HDLBP: variants seen among roughly 807,000 people sequenced by gnomAD.
HDLBP encodes high density lipoprotein binding protein, also known as vigilin.
HDLBP carries 30 observed loss-of-function variants against 137.3 expected under a neutral mutation model. The observed-to-expected ratio is 0.22, with a 90% CI of 0.16 to 0.30. The LOEUF (loss-of-function observed/expected upper bound fraction) is 0.30. Ranked by LOEUF, HDLBP falls within the 10% of genes least tolerant of loss-of-function variation. The pLI, the probability that HDLBP is intolerant of heterozygous loss-of-function variation, is 1.00. For synonymous variants in HDLBP, 606 were observed against 596.0 expected, an observed-to-expected ratio of 1.02 and a Z score of -0.24; for missense variants, 1,119 against 1,667.3, an observed-to-expected ratio of 0.67 and a Z score of 5.73.
rs115002337 is a variant in HDLBP, at chr2:241,258,519, G to C, written c.451-1713C>G. ...AGCTTATGTGGCAGGCTGAGACCCT[G>C]TGTTACAACAAACAAAAAAATAGTG... is the stretch of plus-strand genomic sequence containing the variant. On this transcript the variant is annotated intron_variant, in intron 5 of 27. Transcript: ENST00000310931. Among the ~76,000 whole-genome samples, 709 of 152,108 alleles carry C rather than the reference G, an allele frequency of 4.7e-3. 3 individuals carry two copies. The highest frequency in any genetic ancestry group is 0.016 in the African/African-American group (680 of 41,466).
At chr2:241,236,312 T>TC (rs1277148965) in intron 21 of HDLBP, 2 of 392,348 alleles carry the variant, frequency 5.1e-6, no homozygotes, top group Middle Eastern at 7.1e-4. Flanking sequence ...GTCACATTCA[T>TC]CCCCCTGCAG....
intron 11 of HDLBP, 151 bp downstream of exon 11, chr2:241,252,806 C>T: frequency 1.8e-6 from 1 of 547,168 alleles, no homozygotes; most frequent in Non-Finnish European, 3.3e-6. Flanking sequence ...TGGCCTCTTC[C>T]AGCAGGCAGG....
At chr2:241,298,356 A>G (rs552191375) in intron 1 of HDLBP, among the ~76,000 whole-genome samples, 1 of 152,150 alleles carries the variant, frequency 6.6e-6, no homozygotes, top group Admixed American at 6.5e-5. Context: ...ACAGAGTGAG[A>G]CTCAGTCTGA....
intron 23 of HDLBP, among the ~76,000 whole-genome samples, chr2:241,234,512 G>A (rs554799781): frequency 2.0e-5 from 3 of 152,300 alleles, no homozygotes; most frequent in South Asian, 2.1e-4. Context: ...ACGTGCTCAC[G>A]GGAGGAGTGG....
intron 1 of HDLBP, among the ~76,000 whole-genome samples, chr2:241,279,459 A>G (rs937166045): frequency 1.3e-5 from 2 of 152,220 alleles, no homozygotes; most frequent in Non-Finnish European, 2.9e-5. Context: ...GAAGAAAACA[A>G]CGTGGAGGAG....
At chr2:241,245,664 C>T (rs550729361) in intron 16 of HDLBP, among the ~76,000 whole-genome samples, 4 of 152,014 alleles carry the variant, frequency 2.6e-5, no homozygotes, top group South Asian at 4.1e-4. Context: ...TAGCCTGGTG[C>T]GGTAGCATGC....
rs1333778436 is a variant in HDLBP, at chr2:241,235,239, G to A, written c.3026C>T (p.Pro1009Leu). ...MDEFEVNIHVPAPELQSDIIA... is the reference protein window; with the variant it reads ...MDEFEVNIHVLAPELQSDIIA... ...GATGTCAGACTGCAGCTCAGGTGCC[G>A]GGACATGTATGTTCACCTACGTGAA... Residue 1009 changes from proline (P) to leucine (L), a missense_variant, in exon 23 of 28, where the codon CCG becomes CTG. Pro to Leu is a moderately conservative substitution (Grantham distance 98). This residue lies in a region of HDLBP where 618 missense variants were observed against 816.7 expected (regional missense o/e 0.76). Transcript: ENST00000310931. The A allele has an allele frequency of 1.2e-6, 2 of 1,614,072 alleles. No individual in the cohort carries two copies. Among genetic ancestry groups the A allele is most frequent in the African/African-American group, 1.3e-5 (1 of 74,920 alleles).
intron 1 of HDLBP, among the ~76,000 whole-genome samples, chr2:241,309,405 T>C (rs554682702): frequency 3.3e-5 from 5 of 152,316 alleles, no homozygotes; most frequent in East Asian, 3.9e-4. Context: ...ACTAAAATGA[T>C]AGTAAACGAT....
chr2:241,258,137 G>A (rs770424323), intron 5 of HDLBP, among the ~76,000 whole-genome samples: 5 of 151,916 alleles, frequency 3.3e-5, no homozygotes, highest in Non-Finnish European at 5.9e-5. Context: ...AGTGGCTCAC[G>A]CCTGTAATCC....
intron 14 of HDLBP, 137 bp from the exon 15 acceptor site, chr2:241,247,279 G>C: frequency 1.6e-6 from 1 of 644,266 alleles, no homozygotes; most frequent in South Asian, 1.8e-5. Flanking sequence ...TTTGTCATGA[G>C]GGTAAGTGAG....
chr2:241,273,513 C>A (rs1370530884), intron 1 of HDLBP: 2 of 844,668 alleles, frequency 2.4e-6, no homozygotes, highest in Non-Finnish European at 1.4e-6. Flanking sequence ...GGGTCTCCAC[C>A]CTCCGGGAAG....
intron 1 of HDLBP, among the ~76,000 whole-genome samples, chr2:241,300,210 C>A (rs915251881): frequency 6.6e-6 from 1 of 152,230 alleles, no homozygotes; most frequent in Non-Finnish European, 1.5e-5. Context: ...ACTCCCCCCA[C>A]CCCGCCCAGT....
chr2:241,297,769 G>C (rs1445311326), intron 1 of HDLBP, among the ~76,000 whole-genome samples: 2 of 152,048 alleles, frequency 1.3e-5, no homozygotes, highest in Non-Finnish European at 2.9e-5. Context: ...AGAGAATAAT[G>C]AGGACATATC....
chr2:241,286,842 G>A (rs1412849398), intron 1 of HDLBP, among the ~76,000 whole-genome samples: 1 of 152,002 alleles, frequency 6.6e-6, no homozygotes, highest in East Asian at 1.9e-4. Context: ...GTTACTCAGT[G>A]TGGAAGCTGA....
Position 241,238,736 on chromosome 2 carries a change from C to A in HDLBP, c.2662G>T (p.Val888Phe). The change falls in exon 20 of 28, where the codon GTC (valine) becomes TTC (phenylalanine). Residue 888 changes from valine (V) to phenylalanine (F), a missense_variant. Around this residue, in one of 4 missense-constraint regions of HDLBP, gnomAD observed 618 missense variants for 816.7 expected, o/e 0.76. Coordinates refer to ENST00000310931, the MANE Select transcript of HDLBP (RefSeq NM_005336.6). The surrounding 1 kb of genome is among the most constrained non-coding windows in gnomAD (Gnocchi z 4.9). ...CAIPQKFHRSVMGPKGSRIQQ... is the reference protein window; with the variant it reads ...CAIPQKFHRSFMGPKGSRIQQ... ...ATTCTGGAACCTTTGGGGCCCATGA[C>A]AGATCGATGGAATTTCTGGGGTATA... 1 of 1,580,862 alleles carries A rather than the reference C, an allele frequency of 6.3e-7. No individual in the cohort carries two copies. Among genetic ancestry groups the A allele is most frequent in the Non-Finnish European group, 8.7e-7 (1 of 1,155,562 alleles).
chr2:241,238,568 C>T lies in HDLBP; in HGVS notation c.2749+81G>A. 3 of 1,133,134 alleles carry T rather than the reference C, an allele frequency of 2.6e-6. No homozygotes were observed. Among genetic ancestry groups the T allele is most frequent in the Non-Finnish European group, 2.4e-6 (2 of 822,848 alleles). 70.2% of individuals were successfully genotyped at this position (1,133,134 alleles called of 1,614,324 possible). Reference sequence around the variant, plus strand: ...TTCCAGCAGAGACAGGAAAGAGCCTCACCAGTATGTGCGACAGCCCCGCCT... The same window carrying T: ...TTCCAGCAGAGACAGGAAAGAGCCTTACCAGTATGTGCGACAGCCCCGCCT... On this transcript the variant is annotated intron_variant, in intron 20 of 27. Transcript: ENST00000310931. This position sits in a 1 kb window ranked among gnomAD's most constrained non-coding sequence, Gnocchi z 4.9.
At chr2:241,229,755 T>C (rs2069489310) in intron 27 of HDLBP, 68 bp from the exon 28 acceptor site, 2 of 1,607,728 alleles carry the variant, frequency 1.2e-6, no homozygotes, top group Non-Finnish European at 1.7e-6. Flanking sequence ...TCCGACGCAG[T>C]TGCCACCCTC....
At chr2:241,290,979 G>A (rs2074997579) in intron 1 of HDLBP, among the ~76,000 whole-genome samples, 1 of 152,204 alleles carries the variant, frequency 6.6e-6, no homozygotes, top group African/African-American at 2.4e-5. Flanking sequence ...CTCTGAAAGT[G>A]TGTTTTAACA....
intron 1 of HDLBP, among the ~76,000 whole-genome samples, chr2:241,300,384 G>A (rs139990892): frequency 2.0e-5 from 3 of 152,156 alleles, no homozygotes; most frequent in Non-Finnish European, 4.4e-5. Context: ...ACTGCCCAGC[G>A]AGAATTAGGA....
Sources: allele counts gnomAD v4.1 joint callset (sites outside exome capture counted in the v4.1 genomes callset), GRCh38; gene constraint gnomAD v4.1.1; regional missense constraint gnomAD v4.1.1; non-coding constraint Gnocchi (gnomAD v3.1); transcripts MANE v1.5; gene names NCBI Gene and HGNC (gene_info 2026-07-23, HGNC 2026-07-21).